Variants in MYO9B observed in about 807,000 individuals in gnomAD.
MYO9B encodes the protein unconventional myosin-IXb.
Under a neutral mutation model 229.5 loss-of-function variants are expected in MYO9B, and 71 were observed. The ratio of observed to expected loss-of-function variants is 0.31; its 90% CI spans 0.26 to 0.38. The LOEUF (loss-of-function observed/expected upper bound fraction) is 0.38, where lower values mean the gene tolerates loss of function less well. Among genes scored for constraint, MYO9B ranks in the 10% least tolerant of loss-of-function variants. The probability of loss-of-function intolerance (pLI) is 1.00; values close to 1 mark genes in which losing one functional copy is unlikely to be tolerated. For missense variants in MYO9B, 2,255 were observed against 2,920.5 expected, an observed-to-expected ratio of 0.77 and a Z score of 5.25; for synonymous variants, 1,185 against 1,235.8, an observed-to-expected ratio of 0.96 and a Z score of 0.86.
intron 1 of MYO9B, among the ~76,000 whole-genome samples, chr19:17,077,966 G>T (rs1287887847): frequency 6.6e-6 from 1 of 152,142 alleles, no homozygotes; most frequent in Non-Finnish European, 1.5e-5. Context: ...CGTCCCTCGG[G>T]TCCAGTCTGG....
chr19:17,202,839 C>A lies in MYO9B; in HGVS notation c.4837-3C>A. 1.9e-6 allele frequency: 3 copies of A among 1,593,752 alleles called. No homozygotes were observed. Among genetic ancestry groups the A allele is most frequent in the Non-Finnish European group, 2.6e-6 (3 of 1,170,790 alleles). On this transcript the variant is annotated splice_polypyrimidine_tract_variant and splice_region_variant and intron_variant, in intron 28 of 39. Coordinates refer to ENST00000682292, the MANE Select transcript of MYO9B (RefSeq NM_004145.4). Reference sequence around the variant, plus strand: ...GCCAACCTCCTCCTTGTGTTCCTCACAGCAGAGCAAAGCTCAGAAGAAGAA... The same window carrying A: ...GCCAACCTCCTCCTTGTGTTCCTCAAAGCAGAGCAAAGCTCAGAAGAAGAA...
chr19:17,167,827 T>C, intron 10 of MYO9B, 116 bp from the exon 11 acceptor site: 1 of 1,369,528 alleles, frequency 7.3e-7, no homozygotes, highest in Non-Finnish European at 9.8e-7. Context: ...AGTTTCCTAT[T>C]TTGAAGCATT....
chr19:17,157,868 G>C (rs1240393857), intron 7 of MYO9B, among the ~76,000 whole-genome samples: 2 of 152,136 alleles, frequency 1.3e-5, no homozygotes. Flanking sequence ...GTGAGTGACA[G>C]AGTAAGGCCC....
Position 17,167,583 on chromosome 19 carries a change from G to T in MYO9B, c.1672-360G>T, listed in dbSNP as rs1035446456. On this transcript the variant is annotated intron_variant, in intron 10 of 39. Transcript: ENST00000682292. ...CAACCTCCACTTCCCGTGTTCAAGC[G>T]ATTTTCCTGCCTCAGCCTCCTGAGT... Among the ~76,000 whole-genome samples the T allele has an allele frequency of 4.0e-5, 6 of 150,746 alleles. No individual in the cohort carries two copies. The Admixed American group carries it at 4.0e-4, about 10-fold the overall frequency.
At chr19:17,148,230 G>A (rs957820814) in intron 3 of MYO9B, among the ~76,000 whole-genome samples, 2 of 152,206 alleles carry the variant, frequency 1.3e-5, no homozygotes, top group Non-Finnish European at 2.9e-5. Flanking sequence ...TTGGGGAGAA[G>A]CTAAGCTGCC....
At chr19:17,103,600 C>G (rs1034431761) in intron 2 of MYO9B, 1 of 152,254 alleles carries the variant, frequency 6.6e-6, no homozygotes, top group Non-Finnish European at 1.5e-5. Flanking sequence ...TGTGAGAGTC[C>G]CAGAGAGGAG....
intron 10 of MYO9B, among the ~76,000 whole-genome samples, chr19:17,164,568 G>A (rs1339519308): frequency 6.6e-6 from 1 of 152,106 alleles, no homozygotes; most frequent in Non-Finnish European, 1.5e-5. Context: ...TTTTAGTAGA[G>A]ATAGGGTTTC....
intron 23 of MYO9B, 101 bp from the exon 24 acceptor site, chr19:17,198,083 G>T: frequency 6.7e-7 from 1 of 1,499,760 alleles, no homozygotes. Context: ...AAAGCAGGAA[G>T]TGAGGTCGGT....
intron 2 of MYO9B, among the ~76,000 whole-genome samples, chr19:17,125,655 C>T (rs2058009567): frequency 6.6e-6 from 1 of 152,108 alleles, no homozygotes; most frequent in Non-Finnish European, 1.5e-5. Context: ...GCTGTAATGC[C>T]ATCTGCGTCT....
At chr19:17,095,273 C>G (rs1043523775) in intron 1 of MYO9B, 3 of 152,216 alleles carry the variant, frequency 2.0e-5, no homozygotes, top group Admixed American at 6.5e-5. Flanking sequence ...GTGCATTCAC[C>G]GTGTTGTGCA....
intron 1 of MYO9B, among the ~76,000 whole-genome samples, chr19:17,090,420 A>G (rs2057626797): frequency 6.6e-6 from 1 of 152,122 alleles, no homozygotes; most frequent in East Asian, 1.9e-4. Context: ...CAAAGTGCTG[A>G]GATTAGAGGC....
intron 2 of MYO9B, among the ~76,000 whole-genome samples, chr19:17,103,053 CAA>C (rs55897174): frequency 8.7e-4 from 80 of 92,080 alleles, no homozygotes; most frequent in Admixed American, 1.5e-3. Flanking sequence ...CCCCTCTCTA[CAA>C]AAAAAAAAAA....
intron 2 of MYO9B, among the ~76,000 whole-genome samples, chr19:17,118,970 A>C (rs2057935110): frequency 1.3e-5 from 2 of 152,048 alleles, no homozygotes; most frequent in South Asian, 4.1e-4. Flanking sequence ...AGTCCTGCCA[A>C]AGTGCCTGGA....
intron 3 of MYO9B, among the ~76,000 whole-genome samples, chr19:17,148,580 C>T (rs1037254459): frequency 3.3e-5 from 5 of 152,082 alleles, no homozygotes; most frequent in African/African-American, 4.8e-5. Flanking sequence ...TGTCTCTCCT[C>T]TTTTTATTTT....
intron 8 of MYO9B, among the ~76,000 whole-genome samples, chr19:17,162,108 C>T (rs1398102380): frequency 6.6e-6 from 1 of 152,082 alleles, no homozygotes; most frequent in African/African-American, 2.4e-5. Flanking sequence ...AGTTTGAGAC[C>T]AGCCTGGCCA....
At chr19:17,091,418 G>A (rs187536379) in intron 1 of MYO9B, among the ~76,000 whole-genome samples, 3 of 152,292 alleles carry the variant, frequency 2.0e-5, no homozygotes, top group Admixed American at 1.3e-4. Flanking sequence ...TAGAGATGGC[G>A]TCTTGTGGCC....
chr19:17,203,330 C>A, intron 30 of MYO9B, 72 bp downstream of exon 30: 1 of 1,214,716 alleles, frequency 8.2e-7, no homozygotes, highest in Non-Finnish European at 1.2e-6. Flanking sequence ...AAGAGGTCTT[C>A]AGGGCCAGGC....
At chr19:17,080,827 G>A (rs1156997246) in intron 1 of MYO9B, among the ~76,000 whole-genome samples, 2 of 151,774 alleles carry the variant, frequency 1.3e-5, no homozygotes, top group African/African-American at 2.4e-5. Context: ...TATGATCATG[G>A]CACTGCATTC....
intron 2 of MYO9B, among the ~76,000 whole-genome samples, chr19:17,109,152 G>A (rs1363176578): frequency 1.3e-5 from 2 of 151,254 alleles, no homozygotes; most frequent in Non-Finnish European, 2.9e-5. Context: ...TGCAAGTTCT[G>A]CCTCCCGGGT....
Sources: allele counts gnomAD v4.1 joint callset (sites outside exome capture counted in the v4.1 genomes callset), GRCh38; gene constraint gnomAD v4.1.1; transcripts MANE v1.5; gene names NCBI Gene and HGNC (gene_info 2026-07-23, HGNC 2026-07-21).